The following TIAM2 variants were observed in gnomAD, a reference collection of about 807,000 sequenced individuals.
TIAM2 encodes rho guanine nucleotide exchange factor TIAM2.
Under a neutral mutation model 152.9 loss-of-function variants are expected in TIAM2, and 80 were observed. The ratio of observed to expected loss-of-function variants is 0.52; its 90% CI spans 0.44 to 0.63. TIAM2 has a LOEUF of 0.63. Among genes scored for constraint, TIAM2 ranks in the 30% least tolerant of loss-of-function variants. The probability of loss-of-function intolerance (pLI) is 0.00; values close to 1 mark genes in which losing one functional copy is unlikely to be tolerated. For synonymous variants in TIAM2, 804 were observed against 838.0 expected, an observed-to-expected ratio of 0.96 and a Z score of 0.70; for missense variants, 1,965 against 2,120.1, an observed-to-expected ratio of 0.93 and a Z score of 1.44.
rs1253586649 is a variant in TIAM2, at chr6:155,213,967, C to T, written c.3168+2660C>T. Among the ~76,000 whole-genome samples, 1 of 152,228 alleles carries T rather than the reference C, an allele frequency of 6.6e-6. No individual in the cohort carries two copies. Among genetic ancestry groups the T allele is most frequent in the Admixed American group, 6.5e-5 (1 of 15,286 alleles). Reference sequence around the variant, plus strand: ...TTTCGAGCCTGTGGGGGCAATGGGTCCTTCCTAGGCCCCTGAGAGTGCAGA... The same window carrying T: ...TTTCGAGCCTGTGGGGGCAATGGGTTCTTCCTAGGCCCCTGAGAGTGCAGA... On this transcript the variant is annotated intron_variant, in intron 15 of 26. Transcript: ENST00000682666. The surrounding 1 kb of genome is among the most constrained non-coding windows in gnomAD (Gnocchi z 4.2).
chr6:155,130,512 G>A, intron 4 of TIAM2, 95 bp downstream of exon 4: 3 of 1,172,752 alleles, frequency 2.6e-6, no homozygotes, highest in Non-Finnish European at 3.6e-6. Context: ...TGTTGTCGGG[G>A]TGCTTAAGTG....
chr6:155,130,235 G>A lies in TIAM2; in HGVS notation c.1012G>A (p.Asp338Asn), dbSNP rs747151212. ...SLSNRVSFAS[D>N]IDVPSRVAHG... Reference sequence around the variant, plus strand: ...GAGCAACCGTGTCTCTTTTGCTTCCGACATTGATGTGCCCTCCAGAGTGGC... The same window carrying A: ...GAGCAACCGTGTCTCTTTTGCTTCCAACATTGATGTGCCCTCCAGAGTGGC... Residue 338 changes from aspartate to asparagine, a missense_variant, in exon 4 of 27, where the codon GAC becomes AAC. Asp to Asn is a conservative substitution (Grantham distance 23). Around this residue, in one of 3 missense-constraint regions of TIAM2, gnomAD observed 1,025 missense variants for 1,119.4 expected, o/e 0.92. Transcript: ENST00000682666. 5.6e-6 allele frequency: 9 copies of A among 1,613,980 alleles called. No homozygotes were observed. The African/African-American group carries it at 8.0e-5, about 14-fold the overall frequency.
intron 14 of TIAM2, among the ~76,000 whole-genome samples, chr6:155,205,182 TAAAAAAAAAAAAAAAAAAAAAAAAA>T (rs61272546): frequency 0.26 from 10,522 of 40,978 alleles, 1,256 homozygotes; most frequent in East Asian, 0.66. Flanking sequence ...TATTAATTTC[TAAAAAAAAAAAAAAAAAAAAAAAAA>T]AAAAAAAAAA....
intron 2 of TIAM2, among the ~76,000 whole-genome samples, chr6:155,094,047 G>A (rs759251045): frequency 6.6e-6 from 1 of 152,186 alleles, no homozygotes; most frequent in Non-Finnish European, 1.5e-5. Context: ...AATGTGATCA[G>A]GGGATCACTG....
intron 1 of TIAM2, among the ~76,000 whole-genome samples, chr6:155,051,908 G>A (rs1777328515): frequency 6.6e-6 from 1 of 152,098 alleles, no homozygotes; most frequent in African/African-American, 2.4e-5. Flanking sequence ...CCAAAGTGCT[G>A]GGATTACAGG....
chr6:155,093,612 T>C (rs1778349546), intron 2 of TIAM2, among the ~76,000 whole-genome samples: 1 of 152,194 alleles, frequency 6.6e-6, no homozygotes, highest in Non-Finnish European at 1.5e-5. Context: ...AGGAAGACTT[T>C]CCTATAGAGC....
intron 1 of TIAM2, among the ~76,000 whole-genome samples, chr6:155,017,952 T>C (rs916912182): frequency 6.6e-6 from 1 of 152,170 alleles, no homozygotes; most frequent in African/African-American, 2.4e-5. Context: ...CACTGAGGTG[T>C]GCTGTGAGTG....
rs1483260100 is a variant in TIAM2, at chr6:155,250,536, A to G, written c.3952-377A>G. The G allele has an allele frequency of 2.0e-6, 3 of 1,535,730 alleles. No individual in the cohort carries two copies. The African/African-American group carries it at 4.1e-5, about 21-fold the overall frequency. On this transcript the variant is annotated intron_variant, in intron 21 of 26. Coordinates refer to ENST00000682666, the MANE Select transcript of TIAM2 (RefSeq NM_012454.4). ...GTTTCAATGCTGGTGCTCTTTTATC[A>G]GCAGCCCGAATGGAGCTCAGAGGTG...
intron 15 of TIAM2, among the ~76,000 whole-genome samples, chr6:155,230,999 AT>A (rs144375888): frequency 0.57 from 83,041 of 146,868 alleles, 23,708 homozygotes; most frequent in African/African-American, 0.65. Context: ...AGCCTGGCTA[AT>A]TTTTTTTTTT....
chr6:155,202,292 C>G (rs745597134), intron 14 of TIAM2, among the ~76,000 whole-genome samples: 1 of 152,148 alleles, frequency 6.6e-6, no homozygotes, highest in African/African-American at 2.4e-5. Context: ...CACAGTACAG[C>G]TAATGTCATT....
chr6:155,118,219 T>C (rs893514877), intron 2 of TIAM2, among the ~76,000 whole-genome samples: 2 of 152,084 alleles, frequency 1.3e-5, no homozygotes, highest in Non-Finnish European at 2.9e-5. Flanking sequence ...CTCCAAACTT[T>C]GTCCCTGACC....
Position 155,047,734 on chromosome 6 carries a change from A to AGC in TIAM2, c.-208-42554_-208-42553insCG, listed in dbSNP as rs1777228994. Among the ~76,000 whole-genome samples, 5 of 116,804 alleles carry AGC rather than the reference A, an allele frequency of 4.3e-5. 1 individual carries two copies. Among genetic ancestry groups the AGC allele is most frequent in the Non-Finnish European group, 7.3e-5 (4 of 55,116 alleles). 76.6% of individuals were successfully genotyped at this position (116,804 alleles called of 152,430 possible). Reference sequence around the variant, plus strand: ...GAGAGAGAGAGAGAGAGCGAGAGAGAGAGAGAGAGAGCGAGCGCACAGAAG... The same window carrying AGC: ...GAGAGAGAGAGAGAGAGCGAGAGAGAGCGAGAGAGAGAGCGAGCGCACAGAAG... On this transcript the variant is annotated intron_variant, in intron 1 of 26. Transcript: ENST00000682666.
At chr6:155,037,560 ACT>A (rs1293299108) in intron 1 of TIAM2, among the ~76,000 whole-genome samples, 1 of 151,732 alleles carries the variant, frequency 6.6e-6, no homozygotes, top group East Asian at 1.9e-4. Flanking sequence ...ACAGAGCCTC[ACT>A]CTGTCACCCA....
intron 1 of TIAM2, among the ~76,000 whole-genome samples, chr6:155,032,505 C>T (rs1400559171): frequency 2.6e-5 from 4 of 152,126 alleles, no homozygotes; most frequent in African/African-American, 7.2e-5. Flanking sequence ...TTCTTCATCT[C>T]TGCTGCACTC....
rs1317780788 is a variant in TIAM2, at chr6:155,203,042, C to CT, written c.3065-8161dup. Among the ~76,000 whole-genome samples, 3 of 67,750 alleles carry CT rather than the reference C, an allele frequency of 4.4e-5. No homozygotes were observed. In the East Asian group the frequency reaches 1.1e-3, roughly 25 times the overall value. 44.4% of individuals were successfully genotyped at this position (67,750 alleles called of 152,430 possible). ...CCAGCCTGGGTGACAGAGCAAAACTCTGTCTCAAAAAAAAAAAAAAAAAAA... is the reference window on the plus strand; with the variant it reads ...CCAGCCTGGGTGACAGAGCAAAACTCTTGTCTCAAAAAAAAAAAAAAAAAAA... On this transcript the variant is annotated intron_variant, in intron 14 of 26. Coordinates refer to ENST00000682666, the MANE Select transcript of TIAM2 (RefSeq NM_012454.4).
intron 1 of TIAM2, among the ~76,000 whole-genome samples, chr6:154,997,361 A>G (rs571144782): frequency 6.6e-6 from 1 of 152,082 alleles, no homozygotes; most frequent in African/African-American, 2.4e-5. Context: ...CACCTTGCAC[A>G]GTTGTTCAGG....
chr6:155,118,528 A>G (rs1779070879), intron 2 of TIAM2, among the ~76,000 whole-genome samples: 1 of 142,058 alleles, frequency 7.0e-6, no homozygotes, highest in Non-Finnish European at 1.5e-5. Flanking sequence ...TGCCTCCTGG[A>G]TTCAAGTGTT....
At chr6:155,154,979 T>A (rs1278218970) in intron 7 of TIAM2, among the ~76,000 whole-genome samples, 2 of 152,160 alleles carry the variant, frequency 1.3e-5, no homozygotes, top group Non-Finnish European at 2.9e-5. Flanking sequence ...TATTTCTGGA[T>A]GTGTACAGGG....
intron 15 of TIAM2, among the ~76,000 whole-genome samples, chr6:155,228,334 C>A (rs1424655148): frequency 2.0e-5 from 3 of 152,174 alleles, no homozygotes; most frequent in Admixed American, 1.3e-4. Flanking sequence ...GTTATTGACA[C>A]ATTTTGTCTT....
Sources: allele counts gnomAD v4.1 joint callset (sites outside exome capture counted in the v4.1 genomes callset), GRCh38; gene constraint gnomAD v4.1.1; regional missense constraint gnomAD v4.1.1; non-coding constraint Gnocchi (gnomAD v3.1); transcripts MANE v1.5; gene names NCBI Gene and HGNC (gene_info 2026-07-23, HGNC 2026-07-21).